The following TRIM41 variants were observed in gnomAD, a reference collection of about 807,000 sequenced individuals.
TRIM41 encodes tripartite motif containing 41.
A neutral mutation model predicts 60.6 loss-of-function variants in TRIM41; 21 were observed. The observed-to-expected ratio is 0.35, with a 90% confidence interval of 0.25 to 0.50. TRIM41 has a LOEUF of 0.50. TRIM41 is among the 20% of genes least tolerant of loss of function. The probability of loss-of-function intolerance (pLI) is 0.98; values close to 1 mark genes in which losing one functional copy is unlikely to be tolerated. For synonymous variants in TRIM41, 407 were observed against 344.9 expected, an observed-to-expected ratio of 1.18 and a Z score of -2.00; for missense variants, 846 against 868.3, an observed-to-expected ratio of 0.97 and a Z score of 0.32.
chr5:181,223,322 T>C lies in TRIM41; in HGVS notation c.-678T>C, dbSNP rs144035244. 2.8e-5 allele frequency: 11 copies of C among 399,212 alleles called. No individual in the cohort carries two copies. Among genetic ancestry groups the C allele is most frequent in the Non-Finnish European group, 4.4e-5 (10 of 226,486 alleles). 24.7% of individuals were successfully genotyped at this position (399,212 alleles called of 1,614,324 possible). On this transcript the variant is annotated 5_prime_UTR_variant, in exon 1 of 6. Coordinates refer to ENST00000315073, the MANE Select transcript of TRIM41 (RefSeq NM_033549.5). ...GTGGGGAGTACCGGCTGCAGTCGGC[T>C]GTGCCGGGAGGGTAGGATGGCGTCT...
In TRIM41 at chr5:181,223,744, T is replaced by A. The variant is rs2545098; in HGVS notation, c.-256T>A. The stretch of plus-strand genomic sequence containing the variant: ...CCAAGGGAGCATTGGGGCAGACTTG[T>A]ACTCAGAGCCACCTGAGGGACTTGG... On this transcript the variant is annotated 5_prime_UTR_variant, in exon 1 of 6. Coordinates refer to ENST00000315073, the MANE Select transcript of TRIM41 (RefSeq NM_033549.5). The A allele has an allele frequency of 5.1e-6, 3 of 592,774 alleles. No homozygotes were observed. The highest frequency in any genetic ancestry group is 3.1e-5 in the Admixed American group (1 of 32,712). 36.7% of individuals were successfully genotyped at this position (592,774 alleles called of 1,614,324 possible).
chr5:181,227,130 C>T, intron 1 of TRIM41: 1 of 152,088 alleles, frequency 6.6e-6, no homozygotes, highest in Non-Finnish European at 1.5e-5. Flanking sequence ...AACTTGGCCT[C>T]CCAAAGTGCT....
chr5:181,230,624 C>G, intron 1 of TRIM41, 120 bp from the exon 2 acceptor site: 2 of 681,212 alleles, frequency 2.9e-6, no homozygotes, highest in Admixed American at 2.4e-5. Context: ...TCACTTGACA[C>G]CCATTTTCGG....
chr5:181,233,591 T>G lies in TRIM41; in HGVS notation c.1164-45T>G. On this transcript the variant is annotated intron_variant, in intron 4 of 5. Transcript: ENST00000315073. This position sits in a 1 kb window ranked among gnomAD's most constrained non-coding sequence, Gnocchi z 4.1. Reference sequence around the variant, plus strand: ...TCCCCTCAGCTTTTGCTTTTCCCTCTGGGAATATCGTGGTCCCACCCCCTG... The same window carrying G: ...TCCCCTCAGCTTTTGCTTTTCCCTCGGGGAATATCGTGGTCCCACCCCCTG... 1 of 1,611,592 alleles carries G rather than the reference T, an allele frequency of 6.2e-7. No homozygotes were observed. The highest frequency in any genetic ancestry group is 1.1e-5 in the South Asian group (1 of 91,014).
At chr5:181,230,648 G>A in intron 1 of TRIM41, 96 bp from the exon 2 acceptor site, 1 of 936,396 alleles carries the variant, frequency 1.1e-6, no homozygotes, top group Non-Finnish European at 1.7e-6. Context: ...TAGGGATCAG[G>A]CTTTGACCCA....
intron 2 of TRIM41, chr5:181,231,325 C>T (rs1758788493): frequency 1.3e-5 from 2 of 154,352 alleles, no homozygotes; most frequent in South Asian, 4.0e-4. Context: ...CTAATATTTC[C>T]TAGTCTAGTG....
rs1162519936 is a variant in TRIM41 at position 181,224,649 on chromosome 5, G to C, written c.650G>C (p.Arg217Pro). 1.2e-6 allele frequency: 2 copies of C among 1,614,126 alleles called. No homozygotes were observed. The highest frequency in any genetic ancestry group is 1.7e-6 in the Non-Finnish European group (2 of 1,180,058). The change falls in exon 1 of 6, where the codon CGA (arginine) becomes CCA (proline). Residue 217 changes from arginine (R) to proline (P), a missense_variant. Arg to Pro is a moderately radical substitution (Grantham distance 103). Transcript: ENST00000315073. The stretch of plus-strand genomic sequence containing the variant: ...CGGCAGATGCACCCAACCCCTGGTC[G>C]AGGGAGCCGCGTGACCGATCAGGGC... Reference protein sequence around the residue: ...VIRQMHPTPGRGSRVTDQGIC... With the variant: ...VIRQMHPTPGPGSRVTDQGIC...
At chr5:181,227,832 A>G (rs1165976120) in intron 1 of TRIM41, 2 of 152,116 alleles carry the variant, frequency 1.3e-5, no homozygotes, top group Non-Finnish European at 1.5e-5. Context: ...TGGCCAGGCT[A>G]GAATGCAGTA....
At chr5:181,225,667 A>G (rs1758516098) in intron 1 of TRIM41, 2 of 152,218 alleles carry the variant, frequency 1.3e-5, no homozygotes, top group African/African-American at 4.8e-5. Context: ...CCCCTGGTGT[A>G]TACTAACAAC....
rs371645506 is a variant in TRIM41, at chr5:181,234,816, G to C, written c.*41G>C. The C allele has an allele frequency of 6.2e-7, 1 of 1,606,602 alleles. No individual in the cohort carries two copies. Among genetic ancestry groups the C allele is most frequent in the Admixed American group, 1.7e-5 (1 of 59,336 alleles). ...CAGGGGCCCCTCTGTCAGCACTTGGGGGGTGGGTGGTGGAGGGTGGCCCGT... is the reference window on the plus strand; with the variant it reads ...CAGGGGCCCCTCTGTCAGCACTTGGCGGGTGGGTGGTGGAGGGTGGCCCGT... On this transcript the variant is annotated 3_prime_UTR_variant, in exon 6 of 6. Coordinates refer to ENST00000315073, the MANE Select transcript of TRIM41 (RefSeq NM_033549.5). The surrounding 1 kb of genome is among the most constrained non-coding windows in gnomAD (Gnocchi z 5.6).
rs75309992 is a variant in TRIM41 at position 181,233,600 on chromosome 5, C to T, written c.1164-36C>T. The T allele has an allele frequency of 8.2e-4, 1,320 of 1,612,472 alleles. 1 individual carries two copies. The highest frequency in any genetic ancestry group is 2.2e-3 in the South Asian group (197 of 91,018). On this transcript the variant is annotated intron_variant, in intron 4 of 5. Transcript: ENST00000315073. The surrounding 1 kb of genome is among the most constrained non-coding windows in gnomAD (Gnocchi z 4.1). ...CTTTTGCTTTTCCCTCTGGGAATAT[C>T]GTGGTCCCACCCCCTGCCCGGTCCC...
intron 1 of TRIM41, 112 bp from the exon 2 acceptor site, chr5:181,230,632 C>T (rs187627609): frequency 2.2e-5 from 16 of 721,360 alleles, no homozygotes; most frequent in African/African-American, 1.1e-4. Context: ...CACCCATTTT[C>T]GGGGGTAGGG....
Position 181,224,819 on chromosome 5 carries a change from G to A in TRIM41, c.813+7G>A. On this transcript the variant is annotated splice_region_variant and intron_variant, in intron 1 of 5. Coordinates refer to ENST00000315073, the MANE Select transcript of TRIM41 (RefSeq NM_033549.5). ...GGTGGTGCAGGAGTACAAGGTGAGA[G>A]AAGTACAGAGAGAAGATGGGAGTTT... is the stretch of plus-strand genomic sequence containing the variant. 6.2e-7 allele frequency: 1 copy of A among 1,614,144 alleles called. No homozygotes were observed. Among genetic ancestry groups the A allele is most frequent in the Non-Finnish European group, 8.5e-7 (1 of 1,180,036 alleles).
At position 181,233,810 on chromosome 5, in the gene TRIM41, ACCTGAGACTGGGT is replaced by A. The variant is rs972429921; in HGVS notation, c.1291+54_1291+66del. 2 of 1,613,750 alleles carry A rather than the reference ACCTGAGACTGGGT, an allele frequency of 1.2e-6. No homozygotes were observed. Among genetic ancestry groups the A allele is most frequent in the Middle Eastern group, 1.6e-4 (1 of 6,084 alleles). On this transcript the variant is annotated intron_variant, in intron 5 of 5. Transcript: ENST00000315073. The surrounding 1 kb of genome is among the most constrained non-coding windows in gnomAD (Gnocchi z 4.1). ...CCTTCCTTTGCCTTTCCCTTCACAG[ACCTGAGACTGGGT>A]CCTGAGGGAAGTTGGGCCCCAGGGA...
In TRIM41 at chr5:181,230,794, G is replaced by A. The variant is rs770078073; in HGVS notation, c.864G>A (p.Val288=). Residue 288 remains valine, a synonymous_variant, in exon 2 of 6, where the codon GTG becomes GTA. Transcript: ENST00000315073. The part of the protein sequence containing the change: ...VEPLRKHLEA[V]QKMKAKEERR... ...CACTGAGGAAGCACCTGGAGGCAGT[G>A]CAGAAGATGAAAGCCAAGGAGGAGA... The A allele has an allele frequency of 3.7e-6, 6 of 1,613,268 alleles. No individual in the cohort carries two copies. Among genetic ancestry groups the A allele is most frequent in the Non-Finnish European group, 3.4e-6 (4 of 1,179,476 alleles).
chr5:181,232,003 T>C (rs1758823229), intron 2 of TRIM41: 1 of 152,274 alleles, frequency 6.6e-6, no homozygotes, highest in African/African-American at 2.4e-5. Context: ...AAATACTTAC[T>C]ATCTGGACCT....
At position 181,233,907 on chromosome 5, in the gene TRIM41, A is replaced by G; in HGVS notation, c.1291+144A>G. On this transcript the variant is annotated intron_variant, in intron 5 of 5. Coordinates refer to ENST00000315073, the MANE Select transcript of TRIM41 (RefSeq NM_033549.5). The surrounding 1 kb of genome is among the most constrained non-coding windows in gnomAD (Gnocchi z 4.1). ...CAGCCACTCTGAGGTTGAGGTTTCA[A>G]GCCATGAGCAGGTAGACCTAGTGCA... 1 of 1,377,640 alleles carries G rather than the reference A, an allele frequency of 7.3e-7. No individual in the cohort carries two copies. The highest frequency in any genetic ancestry group is 1.4e-5 in the African/African-American group (1 of 70,502). The allele number at this position is 1,377,640 out of a possible 1,614,324, so 85.3% of individuals were successfully genotyped here.
chr5:181,232,508 C>A (rs1758846222), intron 2 of TRIM41, 151 bp from the exon 3 acceptor site: 2 of 699,438 alleles, frequency 2.9e-6, no homozygotes, highest in Admixed American at 3.0e-5. Flanking sequence ...TCTGGTAAGG[C>A]TGGTAGGGGA....
chr5:181,224,110 C>T lies in TRIM41; in HGVS notation c.111C>T (p.His37=). 1 of 1,614,262 alleles carries T rather than the reference C, an allele frequency of 6.2e-7. No individual in the cohort carries two copies. The change falls in exon 1 of 6, where the codon CAC becomes CAT. Residue 37 remains histidine (H), a synonymous_variant. Transcript: ENST00000315073. The stretch of plus-strand genomic sequence containing the variant: ...ACCCCGTGTCCATCGGCTGCGGGCA[C>T]AACTTCTGCCGAGTTTGTGTAACCC... The part of the protein sequence containing the change: ...FTDPVSIGCG[H]NFCRVCVTQL...
Sources: gnomAD v4.1 joint callset for allele counts on GRCh38, gnomAD v4.1.1 for gene constraint, Gnocchi (gnomAD v3.1) non-coding constraint, MANE v1.5 for transcripts, NCBI Gene and HGNC (gene_info 2026-07-23, HGNC 2026-07-21) for gene names.